The following SPECC1 variants were observed in gnomAD, a reference collection of about 807,000 sequenced individuals.
The protein encoded by SPECC1 is cytospin-B.
A neutral mutation model predicts 104.1 loss-of-function variants in SPECC1; 62 were observed. The ratio of observed to expected loss-of-function variants is 0.60; its 90% CI spans 0.49 to 0.74. The LOEUF (loss-of-function observed/expected upper bound fraction) is 0.74. SPECC1 is among the 30% of genes least tolerant of loss of function. The probability of loss-of-function intolerance (pLI) is 0.00; values close to 1 mark genes in which losing one functional copy is unlikely to be tolerated. For synonymous variants in SPECC1, 513 were observed against 501.6 expected, an observed-to-expected ratio of 1.02 and a Z score of -0.30; for missense variants, 1,306 against 1,310.5, an observed-to-expected ratio of 1.00 and a Z score of 0.05.
At chr17:20,072,350 G>A (rs891448495) in intron 1 of SPECC1, among the ~76,000 whole-genome samples, 11 of 152,254 alleles carry the variant, frequency 7.2e-5, no homozygotes, top group African/African-American at 2.7e-4. Context: ...GCAAAATTGA[G>A]TTAGGTGTCT....
At chr17:20,150,289 C>CT (rs919826782) in intron 3 of SPECC1, among the ~76,000 whole-genome samples, 125 of 140,402 alleles carry the variant, frequency 8.9e-4, no homozygotes, top group African/African-American at 9.1e-4. Flanking sequence ...GGCCTTTTTT[C>CT]TTTTTTTTTT....
intron 1 of SPECC1, among the ~76,000 whole-genome samples, chr17:20,012,669 A>G (rs2043983978): frequency 6.6e-6 from 1 of 151,890 alleles, no homozygotes; most frequent in African/African-American, 2.4e-5. Flanking sequence ...ATTTTGTTTA[A>G]TTAGTTAATC....
chr17:20,172,229 C>T (rs1277829279), intron 3 of SPECC1, among the ~76,000 whole-genome samples: 1 of 152,186 alleles, frequency 6.6e-6, no homozygotes, highest in Non-Finnish European at 1.5e-5. Flanking sequence ...AGGGCTCCTG[C>T]ATGGGCTTCT....
intron 5 of SPECC1, among the ~76,000 whole-genome samples, chr17:20,229,683 A>T (rs907219141): frequency 1.2e-4 from 19 of 152,268 alleles, no homozygotes; most frequent in African/African-American, 3.4e-4. Context: ...CTAAAAAAAT[A>T]AAAAAACCAA....
At chr17:20,181,888 C>T (rs2034916340) in intron 3 of SPECC1, among the ~76,000 whole-genome samples, 1 of 151,950 alleles carries the variant, frequency 6.6e-6, no homozygotes, top group Admixed American at 6.6e-5. Context: ...AATGGAGAAA[C>T]TGCAGTATGT....
chr17:20,280,878 A>G (rs949286254), intron 12 of SPECC1, among the ~76,000 whole-genome samples: 28 of 152,358 alleles, frequency 1.8e-4, no homozygotes, highest in Middle Eastern at 6.8e-3. Flanking sequence ...AACGGGTTTC[A>G]TAACTGTTTA....
chr17:20,285,478 C>T (rs1333976582), intron 12 of SPECC1, among the ~76,000 whole-genome samples: 1 of 151,968 alleles, frequency 6.6e-6, no homozygotes, highest in Non-Finnish European at 1.5e-5. Context: ...TGGACTGTTA[C>T]CCTTTTATTA....
At chr17:20,294,484 G>C (rs1025753399) in intron 12 of SPECC1, among the ~76,000 whole-genome samples, 5 of 152,176 alleles carry the variant, frequency 3.3e-5, no homozygotes. Flanking sequence ...GTGGTAGGAA[G>C]AGCAATCCAG....
intron 1 of SPECC1, among the ~76,000 whole-genome samples, chr17:20,024,558 C>T (rs1434558600): frequency 1.3e-5 from 2 of 152,208 alleles, no homozygotes; most frequent in African/African-American, 2.4e-5. Flanking sequence ...TTCTCTGTCT[C>T]AGAGGGAGAT....
At position 20,282,933 on chromosome 17, in the gene SPECC1, C is replaced by T. The variant is rs146759459; in HGVS notation, c.2941-14028C>T. 3.9e-5 allele frequency among the ~76,000 whole-genome samples: 6 copies of T among 152,218 alleles called. No individual in the cohort carries two copies. In the East Asian group the frequency reaches 1.2e-3, roughly 29 times the overall value. On this transcript the variant is annotated intron_variant, in intron 12 of 14. Transcript: ENST00000395527. ...GTGGCTCACGCCTGTAATCCCAGCA[C>T]TTTCAGAGGCTGAGGCAGGAGGATT...
intron 12 of SPECC1, among the ~76,000 whole-genome samples, chr17:20,263,090 G>A (rs1028724903): frequency 1.3e-5 from 2 of 151,564 alleles, no homozygotes; most frequent in Non-Finnish European, 2.9e-5. Flanking sequence ...CTGCTACCCT[G>A]TCCACTCTGC....
intron 7 of SPECC1, among the ~76,000 whole-genome samples, chr17:20,242,181 A>T (rs1055812459): frequency 6.6e-6 from 1 of 152,260 alleles, no homozygotes; most frequent in Non-Finnish European, 1.5e-5. Context: ...TTCCTGGATC[A>T]GAATGAACAA....
At chr17:20,096,577 C>A in intron 1 of SPECC1, 54 bp from the exon 2 acceptor site, 1 of 1,543,762 alleles carries the variant, frequency 6.5e-7, no homozygotes, top group East Asian at 2.3e-5. Context: ...GTGATGATGT[C>A]ATGCAGCAGG....
intron 3 of SPECC1, among the ~76,000 whole-genome samples, chr17:20,182,223 C>T (rs1014102640): frequency 6.7e-6 from 1 of 149,744 alleles, no homozygotes; most frequent in Non-Finnish European, 1.5e-5. Flanking sequence ...AGGTGATTCT[C>T]TCACCTCAGC....
intron 1 of SPECC1, among the ~76,000 whole-genome samples, chr17:20,072,997 G>C (rs960033361): frequency 6.6e-6 from 1 of 152,154 alleles, no homozygotes; most frequent in Non-Finnish European, 1.5e-5. Flanking sequence ...AGCAGGGAAC[G>C]TGGACCCCAG....
chr17:20,202,766 G>C (rs1358472644), intron 3 of SPECC1, among the ~76,000 whole-genome samples: 3 of 152,186 alleles, frequency 2.0e-5, no homozygotes, highest in African/African-American at 7.2e-5. Context: ...GTTATACACA[G>C]AGTTTTGACT....
rs371775679 is a variant in SPECC1, at chr17:20,302,911, G to C, written c.3058-3112G>C. ...AAAAAAAAAAAAAAAAAAGAGGAAA[G>C]AAAACAAGTGGTTTCATTAGAATCA... On this transcript the variant is annotated intron_variant, in intron 13 of 14. Coordinates refer to ENST00000395527, the MANE Select transcript of SPECC1 (RefSeq NM_001243439.2). Among the ~76,000 whole-genome samples, 5 of 108,954 alleles carry C rather than the reference G, an allele frequency of 4.6e-5. No individual in the cohort carries two copies. The East Asian group carries it at 1.2e-3, about 26-fold the overall frequency. The allele number at this position is 108,954 out of a possible 152,430, so 71.5% of individuals were successfully genotyped here.
At chr17:20,224,644 A>G (rs2038098710) in intron 4 of SPECC1, among the ~76,000 whole-genome samples, 1 of 152,108 alleles carries the variant, frequency 6.6e-6, no homozygotes, top group African/African-American at 2.4e-5. Context: ...AGCCTGTGGC[A>G]GCACCACTGA....
intron 12 of SPECC1, among the ~76,000 whole-genome samples, chr17:20,271,451 T>TTGGCTAACTACTGCAGCC (rs2040403303): frequency 1.3e-5 from 2 of 152,138 alleles, no homozygotes; most frequent in Non-Finnish European, 2.9e-5. Flanking sequence ...CATGTAGTAG[T>TTGGCTAACTACTGCAGCC]ATACACTGCT....
Sources: gnomAD v4.1 joint callset for allele counts (sites outside exome capture counted in the v4.1 genomes callset) on GRCh38, gnomAD v4.1.1 for gene constraint, MANE v1.5 for transcripts, NCBI Gene and HGNC (gene_info 2026-07-23, HGNC 2026-07-21) for gene names.